Variants in PTPRM observed in about 807,000 individuals in gnomAD.
PTPRM encodes receptor-type tyrosine-protein phosphatase mu.
Under a neutral mutation model 186.7 loss-of-function variants are expected in PTPRM, and 47 were observed. The observed-to-expected ratio is 0.25, with a 90% CI of 0.20 to 0.32. The LOEUF is 0.32. Ranked by LOEUF, PTPRM falls within the 10% of genes least tolerant of loss-of-function variation. PTPRM has a pLI of 1.00. For synonymous variants in PTPRM, 668 were observed against 674.9 expected, an observed-to-expected ratio of 0.99 and a Z score of 0.16; for missense variants, 1,494 against 1,865.0, an observed-to-expected ratio of 0.80 and a Z score of 3.66.
chr18:8,101,690 T>A (rs1370565841), intron 11 of PTPRM, among the ~76,000 whole-genome samples: 1 of 152,212 alleles, frequency 6.6e-6, no homozygotes, highest in African/African-American at 2.4e-5. Context: ...CAGACTTGTC[T>A]ACTCTAACCC....
At chr18:8,300,183 A>G (rs112752416) in intron 20 of PTPRM, among the ~76,000 whole-genome samples, 496 of 152,274 alleles carry the variant, frequency 3.3e-3, no homozygotes, top group East Asian at 0.011. Flanking sequence ...TGAGGACACC[A>G]CTGGGGACTT....
chr18:7,686,607 A>C (rs901353411), intron 1 of PTPRM, among the ~76,000 whole-genome samples: 1 of 152,210 alleles, frequency 6.6e-6, no homozygotes, highest in Admixed American at 6.5e-5. Context: ...AGAGGAGCCA[A>C]AAATCATTGT....
chr18:8,125,998 TATATATATATATATATATATATATA>T lies in PTPRM; in HGVS notation c.2167+11172_2167+11196del, dbSNP rs1348091626. On this transcript the variant is annotated intron_variant, in intron 13 of 32. Transcript: ENST00000580170. Reference sequence around the variant, plus strand: ...ATACATATATATATATATATATATATATATATATATATATATATATATATATATATTTTAAATCAGTAGACCTTTC... The same window carrying T: ...ATACATATATATATATATATATATATTATATTTTAAATCAGTAGACCTTTC... Among the ~76,000 whole-genome samples the T allele has an allele frequency of 1.1e-3, 16 of 14,932 alleles. 2 individuals carry two copies. The highest frequency in any genetic ancestry group is 4.0e-3 in the East Asian group (2 of 496). The allele number at this position is 14,932 out of a possible 152,430, so 9.8% of individuals were successfully genotyped here.
intron 21 of PTPRM, among the ~76,000 whole-genome samples, 175 bp downstream of exon 21, chr18:8,315,032 A>G (rs1419070778): frequency 6.6e-6 from 1 of 152,324 alleles, no homozygotes; most frequent in Non-Finnish European, 1.5e-5. Flanking sequence ...ATTGTTGGAC[A>G]TACATTGGGC....
rs146965669 is a variant in PTPRM, at chr18:7,937,602, G to A, written c.663+10919G>A. On this transcript the variant is annotated intron_variant, in intron 5 of 32. Coordinates refer to ENST00000580170, the MANE Select transcript of PTPRM (RefSeq NM_001105244.2). Reference sequence around the variant, plus strand: ...GCCCGAGCAAAACTCAGGTAAAGGTGCCACTGGCCACAGAGGTTTCTGGCT... The same window carrying A: ...GCCCGAGCAAAACTCAGGTAAAGGTACCACTGGCCACAGAGGTTTCTGGCT... 8.4e-3 allele frequency among the ~76,000 whole-genome samples: 1,282 copies of A among 152,334 alleles called. 6 individuals carry two copies. The highest frequency in any genetic ancestry group is 0.033 in the South Asian group (158 of 4,832).
At chr18:7,844,951 G>A (rs1024879750) in intron 2 of PTPRM, among the ~76,000 whole-genome samples, 2 of 152,126 alleles carry the variant, frequency 1.3e-5, no homozygotes, top group Non-Finnish European at 2.9e-5. Context: ...TTTGATGAAT[G>A]AGATTCTTTG....
intron 1 of PTPRM, among the ~76,000 whole-genome samples, chr18:7,732,044 C>G (rs1273546959): frequency 1.3e-5 from 2 of 152,126 alleles, no homozygotes; most frequent in Non-Finnish European, 2.9e-5. Context: ...GGTATAAAAA[C>G]TTAGGTCTTT....
At chr18:7,885,743 A>C (rs1423341095) in intron 2 of PTPRM, among the ~76,000 whole-genome samples, 1 of 152,184 alleles carries the variant, frequency 6.6e-6, no homozygotes, top group Non-Finnish European at 1.5e-5. Flanking sequence ...GGATCTCAAC[A>C]TAAAAATTCT....
intron 22 of PTPRM, among the ~76,000 whole-genome samples, chr18:8,321,428 C>A (rs2095344951): frequency 6.8e-6 from 1 of 146,576 alleles, no homozygotes; most frequent in Non-Finnish European, 1.5e-5. Flanking sequence ...CTGCCCCTCT[C>A]CCCCTGTAAG....
At chr18:7,822,950 G>A (rs2045281175) in intron 2 of PTPRM, among the ~76,000 whole-genome samples, 1 of 152,082 alleles carries the variant, frequency 6.6e-6, no homozygotes, top group Non-Finnish European at 1.5e-5. Flanking sequence ...GTGACATCCT[G>A]TGCAGTGTAG....
intron 1 of PTPRM, among the ~76,000 whole-genome samples, chr18:7,669,805 C>T (rs1413527733): frequency 6.6e-6 from 1 of 152,164 alleles, no homozygotes; most frequent in Non-Finnish European, 1.5e-5. Context: ...TTACTGCAAC[C>T]TCCACCTCCT....
At chr18:7,841,375 T>G (rs1055596661) in intron 2 of PTPRM, among the ~76,000 whole-genome samples, 1 of 136,904 alleles carries the variant, frequency 7.3e-6, no homozygotes, top group African/African-American at 2.8e-5. Context: ...TACTGCAAGC[T>G]CCGCCTCCTG....
chr18:8,194,526 C>T (rs949528237), intron 14 of PTPRM, among the ~76,000 whole-genome samples: 2 of 152,228 alleles, frequency 1.3e-5, no homozygotes, highest in African/African-American at 4.8e-5. Context: ...ACACTGGAAA[C>T]AGGCAGGCCC....
At chr18:8,359,765 C>T (rs2095585472) in intron 23 of PTPRM, among the ~76,000 whole-genome samples, 1 of 152,250 alleles carries the variant, frequency 6.6e-6, no homozygotes, top group Non-Finnish European at 1.5e-5. Context: ...GCTGGAGTTT[C>T]CCGGCACCAT....
chr18:7,701,338 C>CA (rs1318247780), intron 1 of PTPRM, among the ~76,000 whole-genome samples: 14 of 149,472 alleles, frequency 9.4e-5, no homozygotes, highest in Admixed American at 8.0e-4. Flanking sequence ...TGGTGGCTCA[C>CA]ACCTGTAATC....
chr18:8,276,669 C>T (rs1479849490), intron 19 of PTPRM, among the ~76,000 whole-genome samples: 2 of 152,176 alleles, frequency 1.3e-5, no homozygotes, highest in Non-Finnish European at 2.9e-5. Context: ...TGTGTCACCA[C>T]GCTCATGAGA....
intron 1 of PTPRM, among the ~76,000 whole-genome samples, chr18:7,690,955 A>G (rs746474003): frequency 3.5e-4 from 53 of 152,312 alleles, no homozygotes; most frequent in Non-Finnish European, 7.1e-4. Context: ...ATTTTAATGG[A>G]ATGTGAAACA....
intron 7 of PTPRM, among the ~76,000 whole-genome samples, chr18:7,965,441 C>T (rs1440442049): frequency 2.6e-5 from 4 of 152,018 alleles, no homozygotes; most frequent in African/African-American, 9.7e-5. Context: ...ACATGTTTCT[C>T]TTTTGCTCAT....
intron 1 of PTPRM, among the ~76,000 whole-genome samples, chr18:7,714,510 C>T (rs975358893): frequency 6.6e-6 from 1 of 151,998 alleles, no homozygotes; most frequent in East Asian, 1.9e-4. Flanking sequence ...CAAGAAATAA[C>T]TACAATCAGA....
Sources: allele counts gnomAD v4.1 joint callset (sites outside exome capture counted in the v4.1 genomes callset), GRCh38; gene constraint gnomAD v4.1.1; transcripts MANE v1.5; gene names NCBI Gene and HGNC (gene_info 2026-07-23, HGNC 2026-07-21).